SLC23A2: variants seen among roughly 807,000 people sequenced by gnomAD.
SLC23A2 encodes Na(+)/L-ascorbic acid transporter 2.
SLC23A2 carries 36 observed loss-of-function variants against 73.3 expected under a neutral mutation model. That is an observed-to-expected ratio of 0.49 (90% CI 0.38 to 0.65). The LOEUF is 0.65. Ranked by LOEUF, SLC23A2 falls within the 30% of genes least tolerant of loss-of-function variation. SLC23A2 has a pLI of 0.00. For synonymous variants in SLC23A2, 343 were observed against 327.3 expected (o/e 1.05, Z -0.52); for missense variants, 507 against 841.6 (o/e 0.60, Z 4.92).
rs763254139 is a variant in SLC23A2 at position 4,859,377 on chromosome 20, T to C, written c.1632A>G (p.Thr544=). The change falls in exon 16 of 17, where the codon ACA becomes ACG. Residue 544 remains threonine, a synonymous_variant. Transcript: ENST00000338244. Reference sequence around the variant, plus strand: ...GGACGTTCAACACTTGATCGATTCCTGTTATCCCTAGAAAGAGAACACAGC... The same window carrying C: ...GGACGTTCAACACTTGATCGATTCCCGTTATCCCTAGAAAGAGAACACAGC... ...LRQNPLVTGI[T]GIDQVLNVLL... is the part of the protein sequence containing the mutation. 6 of 1,607,904 alleles carry C rather than the reference T, an allele frequency of 3.7e-6. No homozygotes were observed. The African/African-American group carries it at 6.7e-5, about 18-fold the overall frequency.
intron 6 of SLC23A2, among the ~76,000 whole-genome samples, chr20:4,890,260 T>G (rs942995604): frequency 6.6e-6 from 1 of 152,170 alleles, no homozygotes; most frequent in African/African-American, 2.4e-5. Flanking sequence ...GGAAAAATTT[T>G]TGAAAAATAA....
rs1929581836 is a variant in SLC23A2, at chr20:4,852,985, A to G, written c.*3987T>C. On this transcript the variant is annotated 3_prime_UTR_variant, in exon 17 of 17. Transcript: ENST00000338244. This position sits in a 1 kb window ranked among gnomAD's most constrained non-coding sequence, Gnocchi z 4.3. ...GGCAAAACCGGGTGGCCGTTCTTGC[A>G]CTACTCGGGTTCTGACTGCAGGAGG... 1 of 152,532 alleles carries G rather than the reference A, an allele frequency of 6.6e-6. No homozygotes were observed. Among genetic ancestry groups the G allele is most frequent in the Non-Finnish European group, 1.5e-5 (1 of 68,126 alleles). The allele number at this position is 152,532 out of a possible 1,614,324, so 9.4% of individuals were successfully genotyped here. A position where few individuals can be genotyped will look rare whatever the true frequency, so the allele number is the denominator to read the frequency against.
chr20:4,963,669 G>A (rs906255588), intron 2 of SLC23A2, among the ~76,000 whole-genome samples: 3 of 152,104 alleles, frequency 2.0e-5, no homozygotes, highest in Admixed American at 2.0e-4. Context: ...CCAACATGGT[G>A]AAAACTCGTC....
chr20:4,938,569 C>T (rs1264826419), intron 2 of SLC23A2, among the ~76,000 whole-genome samples: 3 of 152,150 alleles, frequency 2.0e-5, no homozygotes, highest in South Asian at 2.1e-4. Context: ...TCAGGTGATC[C>T]GCCCACCTTG....
intron 6 of SLC23A2, among the ~76,000 whole-genome samples, chr20:4,892,279 C>T (rs759496967): frequency 2.0e-5 from 3 of 152,138 alleles, no homozygotes; most frequent in South Asian, 2.1e-4. Flanking sequence ...CTCTGCCTCT[C>T]GGGTTCAAGG....
intron 2 of SLC23A2, among the ~76,000 whole-genome samples, chr20:4,962,253 C>CAA (rs11407993): frequency 2.6e-5 from 4 of 151,674 alleles, no homozygotes; most frequent in Non-Finnish European, 5.9e-5. Context: ...ACCCCCGCCC[C>CAA]AAAAAAACAG....
chr20:5,009,877 T>C (rs372759678), intron 1 of SLC23A2, among the ~76,000 whole-genome samples: 2,655 of 152,014 alleles, frequency 0.017, 79 homozygotes, highest in African/African-American at 0.06. Context: ...GGGCGGATCA[T>C]GAGGTCAGGA....
At chr20:4,885,771 C>T (rs1422837217) in intron 7 of SLC23A2, 50 bp downstream of exon 7, 10 of 1,309,390 alleles carry the variant, frequency 7.6e-6, no homozygotes, top group Non-Finnish European at 1.1e-5. Context: ...CCTCCCTTTA[C>T]ACCTGCATTA....
intron 6 of SLC23A2, among the ~76,000 whole-genome samples, chr20:4,888,303 A>G (rs1931184908): frequency 6.6e-6 from 1 of 152,158 alleles, no homozygotes; most frequent in Admixed American, 6.5e-5. Context: ...ATCACGGTGG[A>G]GCTCAGCAGC....
chr20:4,951,477 A>C (rs1382242794), intron 2 of SLC23A2, among the ~76,000 whole-genome samples: 1 of 152,196 alleles, frequency 6.6e-6, no homozygotes, highest in African/African-American at 2.4e-5. Flanking sequence ...AACAAGGCCA[A>C]GCTGTGACTC....
In SLC23A2 at chr20:4,936,173, T is replaced by C. The variant is rs149891601; in HGVS notation, c.-154-3457A>G. ...GTGAGTTAGCCACTGCCACCCATCA[T>C]CTTCCCAAAATCTGCAAAAAACCCA... On this transcript the variant is annotated intron_variant, in intron 2 of 16. Transcript: ENST00000338244. 5.5e-3 allele frequency among the ~76,000 whole-genome samples: 837 copies of C among 152,284 alleles called. 9 individuals are homozygous for C. Among genetic ancestry groups the C allele is most frequent in the African/African-American group, 0.019 (783 of 41,556 alleles).
At chr20:5,000,102 A>G (rs1478053653) in intron 1 of SLC23A2, among the ~76,000 whole-genome samples, 2 of 152,112 alleles carry the variant, frequency 1.3e-5, no homozygotes, top group Non-Finnish European at 2.9e-5. Flanking sequence ...AACAGTAGTA[A>G]TACGTTCATA....
At chr20:4,959,348 T>C (rs1388741092) in intron 2 of SLC23A2, among the ~76,000 whole-genome samples, 1 of 152,162 alleles carries the variant, frequency 6.6e-6, no homozygotes, top group Non-Finnish European at 1.5e-5. Context: ...GTACAACTAC[T>C]TTGGAAAAAC....
intron 15 of SLC23A2, among the ~76,000 whole-genome samples, chr20:4,860,340 T>C (rs988130777): frequency 1.4e-4 from 21 of 152,262 alleles, no homozygotes; most frequent in Admixed American, 6.5e-5. Flanking sequence ...TCTGCCTTGT[T>C]CTGGCCTCAT....
intron 1 of SLC23A2, among the ~76,000 whole-genome samples, chr20:4,974,409 G>A (rs559374978): frequency 8.7e-4 from 132 of 152,080 alleles, no homozygotes; most frequent in African/African-American, 2.6e-3. Context: ...CGGAGGTTGC[G>A]GTGAGCCGAG....
At chr20:4,906,212 A>G (rs1406978075) in intron 4 of SLC23A2, among the ~76,000 whole-genome samples, 1 of 152,236 alleles carries the variant, frequency 6.6e-6, no homozygotes, top group Admixed American at 6.5e-5. Flanking sequence ...GTGGTGGCAC[A>G]TGCCAGTGAT....
Position 4,909,650 on chromosome 20 carries a change from T to G in SLC23A2, c.207+3230A>C, listed in dbSNP as rs570161517. Among the ~76,000 whole-genome samples, 7 of 152,266 alleles carry G rather than the reference T, an allele frequency of 4.6e-5. No homozygotes were observed. In the South Asian group the frequency reaches 1.5e-3, roughly 32 times the overall value. ...CTCACTACAACCTCTGCCTCCTGGA[T>G]TCAAGCAATTCTCTTGCCTCAGCCT... On this transcript the variant is annotated intron_variant, in intron 4 of 16. Transcript: ENST00000338244.
chr20:4,861,843 C>T, intron 15 of SLC23A2, 105 bp downstream of exon 15: 1 of 1,166,162 alleles, frequency 8.6e-7, no homozygotes, highest in Non-Finnish European at 1.2e-6. Flanking sequence ...ATCTGCACCA[C>T]AGCTCCTGGA....
At chr20:4,986,645 C>CACAT (rs1235448003) in intron 1 of SLC23A2, among the ~76,000 whole-genome samples, 19 of 123,588 alleles carry the variant, frequency 1.5e-4, no homozygotes, top group African/African-American at 3.2e-4. Flanking sequence ...CATACATACA[C>CACAT]ACATACACAC....
Sources: allele counts gnomAD v4.1 joint callset (sites outside exome capture counted in the v4.1 genomes callset), GRCh38; gene constraint gnomAD v4.1.1; non-coding constraint Gnocchi (gnomAD v3.1); transcripts MANE v1.5; gene names NCBI Gene and HGNC (gene_info 2026-07-23, HGNC 2026-07-21).